The following SLC20A2 variants were observed in gnomAD, a reference collection of about 807,000 sequenced individuals.
SLC20A2 encodes sodium-dependent phosphate transporter 2.
Under a neutral mutation model 61.0 loss-of-function variants are expected in SLC20A2, and 30 were observed. The observed-to-expected ratio is 0.49, with a 90% CI of 0.37 to 0.67. The LOEUF (loss-of-function observed/expected upper bound fraction) is 0.67. Ranked by LOEUF, SLC20A2 falls within the 30% of genes least tolerant of loss-of-function variation. SLC20A2 has a pLI of 0.00. For missense variants in SLC20A2, 626 were observed against 866.4 expected, an observed-to-expected ratio of 0.72 and a Z score of 3.48; for synonymous variants, 351 against 353.3, an observed-to-expected ratio of 0.99 and a Z score of 0.07.
chr8:42,441,224 C>T (rs571200545), intron 6 of SLC20A2, among the ~76,000 whole-genome samples: 3 of 150,238 alleles, frequency 2.0e-5, no homozygotes, highest in Non-Finnish European at 4.4e-5. Flanking sequence ...GCGTGATCTC[C>T]GCTCACTGTA....
chr8:42,533,790 G>A (rs1012859617), intron 1 of SLC20A2, among the ~76,000 whole-genome samples: 3 of 150,218 alleles, frequency 2.0e-5, no homozygotes, highest in African/African-American at 7.4e-5. Flanking sequence ...CTCCTGACTA[G>A]CTGGATTACA....
chr8:42,522,064 C>A, intron 1 of SLC20A2, among the ~76,000 whole-genome samples: 1 of 120,390 alleles, frequency 8.3e-6, no homozygotes, highest in Non-Finnish European at 2.0e-5. Context: ...AGAGGGTTGC[C>A]CATTTAGGAG....
intron 1 of SLC20A2, among the ~76,000 whole-genome samples, chr8:42,475,267 T>C (rs994022667): frequency 2.6e-5 from 4 of 151,994 alleles, no homozygotes; most frequent in Admixed American, 2.6e-4. Flanking sequence ...ACCCTACTAA[T>C]TTTTAAATTT....
chr8:42,482,584 A>G (rs138222295), intron 1 of SLC20A2, among the ~76,000 whole-genome samples: 1 of 152,280 alleles, frequency 6.6e-6, no homozygotes, highest in African/African-American at 2.4e-5. Flanking sequence ...CCCCATCCCT[A>G]CTAAAAATAC....
intron 1 of SLC20A2, among the ~76,000 whole-genome samples, chr8:42,499,736 A>G (rs886525869): frequency 6.6e-6 from 1 of 152,186 alleles, no homozygotes; most frequent in Non-Finnish European, 1.5e-5. Flanking sequence ...TTTGGATAAA[A>G]ATATATATTA....
chr8:42,517,549 TAA>T (rs752300026), intron 1 of SLC20A2, among the ~76,000 whole-genome samples: 66 of 152,274 alleles, frequency 4.3e-4, no homozygotes, highest in African/African-American at 7.0e-4. Context: ...ATGAAAGCCA[TAA>T]AATGTACAAG....
chr8:42,491,225 C>T (rs535605287), intron 1 of SLC20A2, among the ~76,000 whole-genome samples: 20 of 152,186 alleles, frequency 1.3e-4, no homozygotes, highest in Admixed American at 3.3e-4. Flanking sequence ...CATGGCAATA[C>T]AAAAATTGGC....
At chr8:42,462,896 G>C (rs1402288881) in intron 4 of SLC20A2, 109 bp downstream of exon 4, 1 of 597,938 alleles carries the variant, frequency 1.7e-6, no homozygotes, top group East Asian at 3.0e-5. Flanking sequence ...GCTGTGCCTT[G>C]ACAATGTATG....
At chr8:42,533,509 G>A (rs889853547) in intron 1 of SLC20A2, among the ~76,000 whole-genome samples, 1 of 151,924 alleles carries the variant, frequency 6.6e-6, no homozygotes, top group South Asian at 2.1e-4. Context: ...CCAGCTACTC[G>A]GGAGGCTGAA....
Position 42,472,930 on chromosome 8 carries a change from G to A in SLC20A2, c.-264-276C>T, listed in dbSNP as rs1051407760. Among the ~76,000 whole-genome samples, 5 of 152,118 alleles carry A rather than the reference G, an allele frequency of 3.3e-5. No homozygotes were observed. Among genetic ancestry groups the A allele is most frequent in the East Asian group, 1.9e-4 (1 of 5,206 alleles). ...ACTAGGTTACATTTTTCATGCAATC[G>A]GAAAAACATATTTGGTCATTATTTT... On this transcript the variant is annotated intron_variant, in intron 1 of 10. Transcript: ENST00000520262. This position sits in a 1 kb window ranked among gnomAD's most constrained non-coding sequence, Gnocchi z 4.1.
intron 8 of SLC20A2, among the ~76,000 whole-genome samples, chr8:42,430,811 T>C (rs888033934): frequency 2.0e-5 from 3 of 152,220 alleles, no homozygotes; most frequent in Admixed American, 6.5e-5. Context: ...TTTTCATTAT[T>C]ATCATATCTG....
At chr8:42,464,092 C>CTTTTTTTTT (rs1170751054) in intron 3 of SLC20A2, among the ~76,000 whole-genome samples, 389 of 20,546 alleles carry the variant, frequency 0.019, 156 homozygotes, top group South Asian at 0.032. Flanking sequence ...GCTGGATGAT[C>CTTTTTTTTT]TTTTTTTTTT....
At chr8:42,532,214 A>G (rs1269217754) in intron 1 of SLC20A2, among the ~76,000 whole-genome samples, 1 of 152,182 alleles carries the variant, frequency 6.6e-6, no homozygotes, top group Non-Finnish European at 1.5e-5. Flanking sequence ...AAGCTAGTTA[A>G]CGGAAGTACT....
chr8:42,508,810 G>A (rs1396690027), intron 1 of SLC20A2, among the ~76,000 whole-genome samples: 1 of 152,190 alleles, frequency 6.6e-6, no homozygotes, highest in Non-Finnish European at 1.5e-5. Flanking sequence ...TATAATGTTT[G>A]TCTAGGGGAC....
At chr8:42,484,901 C>T in intron 1 of SLC20A2, 1 of 411,388 alleles carries the variant, frequency 2.4e-6, no homozygotes, top group Non-Finnish European at 4.9e-6. Flanking sequence ...ATGCAGCTGG[C>T]CCTGAGACAG....
chr8:42,437,226 C>T lies in SLC20A2; in HGVS notation c.1286G>A (p.Arg429His), dbSNP rs751972151. ...ACAGTAGCTCGAGTAGCTGTCGTAGCGCAGCCTCTTCTTGGAGTAGGACAC... is the reference window on the plus strand; with the variant it reads ...ACAGTAGCTCGAGTAGCTGTCGTAGTGCAGCCTCTTCTTGGAGTAGGACAC... The part of the protein sequence containing the change: ...DTVSYSKKRL[R>H]YDSYSSYCNA... Residue 429 changes from arginine to histidine, a missense_variant, in exon 8 of 11, where the codon CGC (arginine) becomes CAC (histidine). Physicochemically the swap from Arg to His is conservative, Grantham distance 29. Transcript: ENST00000520262. The surrounding 1 kb of genome is among the most constrained non-coding windows in gnomAD (Gnocchi z 6.4). 8 of 1,613,732 alleles carry T rather than the reference C, an allele frequency of 5.0e-6. No homozygotes were observed. The East Asian group carries it at 6.7e-5, about 13-fold the overall frequency.
chr8:42,525,570 A>T (rs1437684045), intron 1 of SLC20A2, among the ~76,000 whole-genome samples: 4 of 143,754 alleles, frequency 2.8e-5, no homozygotes, highest in Non-Finnish European at 6.0e-5. Flanking sequence ...CAACAGAGCA[A>T]GACTCTGTCT....
intron 1 of SLC20A2, among the ~76,000 whole-genome samples, chr8:42,487,714 CA>C (rs1809144938): frequency 6.6e-6 from 1 of 152,184 alleles, no homozygotes; most frequent in East Asian, 1.9e-4. Context: ...GTTTCTTTTA[CA>C]AAATGTTTTT....
chr8:42,443,529 T>C (rs1157589174), intron 6 of SLC20A2, among the ~76,000 whole-genome samples: 1 of 151,668 alleles, frequency 6.6e-6, no homozygotes, highest in African/African-American at 2.4e-5. Context: ...CCTTGTTGGT[T>C]AGGCTGGTCT....
Sources: gnomAD v4.1 joint callset for allele counts (sites outside exome capture counted in the v4.1 genomes callset) on GRCh38, gnomAD v4.1.1 for gene constraint, Gnocchi (gnomAD v3.1) non-coding constraint, MANE v1.5 for transcripts, NCBI Gene and HGNC (gene_info 2026-07-23, HGNC 2026-07-21) for gene names.